Variants in COMMD1 observed in about 807,000 individuals in gnomAD.
The protein encoded by COMMD1 is COMM domain-containing protein 1.
In COMMD1, 10 loss-of-function variants were observed where a neutral mutation model predicts 17.2. The ratio of observed to expected loss-of-function variants is 0.58; its 90% CI spans 0.36 to 0.99. The LOEUF is 0.99. COMMD1 is among the 50% of genes least tolerant of loss of function. The probability of loss-of-function intolerance (pLI) is 0.01; values close to 1 mark genes in which losing one functional copy is unlikely to be tolerated. For synonymous variants in COMMD1, 97 were observed against 91.6 expected, an observed-to-expected ratio of 1.06 and a Z score of -0.34; for missense variants, 270 against 231.8, an observed-to-expected ratio of 1.17 and a Z score of -1.07.
intron 1 of COMMD1, among the ~76,000 whole-genome samples, chr2:61,930,617 T>TTGTGTGTGTGTGTG (rs59488185): frequency 3.4e-5 from 5 of 146,056 alleles, no homozygotes; most frequent in Admixed American, 6.8e-5. Context: ...CCACAGGGTT[T>TTGTGTGTGTGTGTG]TGTGTGTGTG....
In COMMD1 at chr2:62,025,591, T is replaced by G. The variant is rs181660690; in HGVS notation, c.462+24609T>G. Among the ~76,000 whole-genome samples, 4 of 152,264 alleles carry G rather than the reference T, an allele frequency of 2.6e-5. No homozygotes were observed. In the East Asian group the frequency reaches 7.7e-4, roughly 29 times the overall value. On this transcript the variant is annotated intron_variant, in intron 2 of 2. Coordinates refer to ENST00000311832, the MANE Select transcript of COMMD1 (RefSeq NM_152516.4). ...CCAAAGGCAGAAAGTAGAGAACGGA[T>G]GCTAAGTCAATAATAAAAAAATACT...
At chr2:61,965,884 A>G (rs1330835506) in intron 1 of COMMD1, among the ~76,000 whole-genome samples, 1 of 152,216 alleles carries the variant, frequency 6.6e-6, no homozygotes. Context: ...TATTACTGAT[A>G]TTGAAGTATC....
intron 1 of COMMD1, among the ~76,000 whole-genome samples, chr2:61,895,480 CT>C (rs1669532345): frequency 6.6e-6 from 1 of 152,164 alleles, no homozygotes; most frequent in African/African-American, 2.4e-5. Flanking sequence ...AGACCATCTG[CT>C]TAGGGATCTG....
chr2:61,888,586 T>C (rs886692322), upstream of COMMD1: 7 of 1,521,890 alleles, frequency 4.6e-6, no homozygotes, highest in African/African-American at 4.1e-5. Context: ...GTAATAACGG[T>C]AAGCCCTCAC....
Position 62,003,898 on chromosome 2 carries a change from C to T in COMMD1, c.462+2916C>T, listed in dbSNP as rs181678611. On this transcript the variant is annotated intron_variant, in intron 2 of 2. Transcript: ENST00000311832. ...ATCTCAGTACTTTGGGAAGCTGAGG[C>T]AGGCAGATCACTTGAGGTCAGGAGT... Among the ~76,000 whole-genome samples the T allele has an allele frequency of 2.8e-4, 43 of 152,232 alleles. 2 individuals carry two copies. In the East Asian group the frequency reaches 7.6e-3, roughly 27 times the overall value.
chr2:62,051,783 A>G lies in COMMD1; in HGVS notation c.462+50801A>G, dbSNP rs192394624. Among the ~76,000 whole-genome samples the G allele has an allele frequency of 3.9e-5, 6 of 152,348 alleles. No homozygotes were observed. The East Asian group carries it at 1.2e-3, about 29-fold the overall frequency. On this transcript the variant is annotated intron_variant, in intron 2 of 2. Coordinates refer to ENST00000311832, the MANE Select transcript of COMMD1 (RefSeq NM_152516.4). The stretch of plus-strand genomic sequence containing the variant: ...ATAGTCCAAAGGTTTTAAAAGCTGT[A>G]TGTTCAGTAAAGCATGTTAATGGTT...
intron 1 of COMMD1, among the ~76,000 whole-genome samples, chr2:61,996,213 T>G (rs1668750392): frequency 6.6e-6 from 1 of 152,086 alleles, no homozygotes; most frequent in African/African-American, 2.4e-5. Flanking sequence ...ACCTAAAAAC[T>G]TTATTGCTAA....
chr2:61,934,491 GGC>G (rs1400383954), intron 1 of COMMD1, among the ~76,000 whole-genome samples: 10 of 152,182 alleles, frequency 6.6e-5, no homozygotes, highest in Non-Finnish European at 1.5e-5. Flanking sequence ...GGGAGGCAGA[GGC>G]GAGAAGATCA....
intron 2 of COMMD1, among the ~76,000 whole-genome samples, chr2:62,031,196 G>A (rs922798124): frequency 1.3e-5 from 2 of 152,118 alleles, no homozygotes; most frequent in African/African-American, 4.8e-5. Flanking sequence ...TATTCCTTAA[G>A]TCCTCACATT....
At chr2:62,053,232 G>A (rs1271837170) in intron 2 of COMMD1, among the ~76,000 whole-genome samples, 1 of 151,956 alleles carries the variant, frequency 6.6e-6, no homozygotes, top group Non-Finnish European at 1.5e-5. Flanking sequence ...AACAGAACTT[G>A]GAACTTTAAG....
intron 2 of COMMD1, among the ~76,000 whole-genome samples, chr2:62,014,644 C>G (rs1243684713): frequency 1.4e-5 from 2 of 142,730 alleles, no homozygotes; most frequent in Non-Finnish European, 3.0e-5. Context: ...TCACTGCAAC[C>G]TCTACCTCCT....
intron 2 of COMMD1, among the ~76,000 whole-genome samples, chr2:62,042,791 G>A (rs567945561): frequency 6.6e-6 from 1 of 152,110 alleles, no homozygotes; most frequent in Non-Finnish European, 1.5e-5. Context: ...CCACACACCC[G>A]GCCTCTTTTG....
rs147565124 is a variant in COMMD1 at position 61,910,612 on chromosome 2, T to G, written c.180+4754T>G. 3.5e-3 allele frequency among the ~76,000 whole-genome samples: 529 copies of G among 152,298 alleles called. 3 individuals are homozygous for G. Among genetic ancestry groups the G allele is most frequent in the Non-Finnish European group, 4.9e-3 (334 of 68,022 alleles). ...AATTCAACTTCTTATAGGTATGAGTTTGCGTGATCTTTATTGCTATTGCTG... is the reference window on the plus strand; with the variant it reads ...AATTCAACTTCTTATAGGTATGAGTGTGCGTGATCTTTATTGCTATTGCTG... On this transcript the variant is annotated intron_variant, in intron 1 of 2. Coordinates refer to ENST00000311832, the MANE Select transcript of COMMD1 (RefSeq NM_152516.4).
intron 1 of COMMD1, among the ~76,000 whole-genome samples, chr2:61,999,598 A>G (rs1668864094): frequency 6.6e-6 from 1 of 151,954 alleles, no homozygotes; most frequent in Admixed American, 6.6e-5. Flanking sequence ...TTTTATTGTT[A>G]TTATTATTAT....
intron 1 of COMMD1, among the ~76,000 whole-genome samples, chr2:61,955,077 A>C (rs1162296452): frequency 1.3e-5 from 2 of 152,254 alleles, no homozygotes; most frequent in African/African-American, 4.8e-5. Flanking sequence ...TAAGGCTCAA[A>C]ATAATTTGGC....
At chr2:62,098,073 C>T (rs947659644) in intron 2 of COMMD1, among the ~76,000 whole-genome samples, 25 of 152,048 alleles carry the variant, frequency 1.6e-4, no homozygotes, top group African/African-American at 6.0e-4. Flanking sequence ...CTCTGGGGAC[C>T]ATGGGACCCT....
At chr2:61,898,718 A>T (rs548240985) in intron 1 of COMMD1, among the ~76,000 whole-genome samples, 1 of 152,106 alleles carries the variant, frequency 6.6e-6, no homozygotes, top group South Asian at 2.1e-4. Flanking sequence ...GGAACTTAGG[A>T]TGAAAACCTA....
chr2:62,071,897 C>T (rs1671208898), intron 2 of COMMD1, among the ~76,000 whole-genome samples: 1 of 151,992 alleles, frequency 6.6e-6, no homozygotes, highest in Admixed American at 6.6e-5. Context: ...CAAACAGACT[C>T]TTTATGGCAG....
chr2:62,100,432 C>T (rs1672145217), intron 2 of COMMD1: 1 of 152,120 alleles, frequency 6.6e-6, no homozygotes, highest in Non-Finnish European at 1.5e-5. Context: ...AACATGTGCC[C>T]AAGGTGATCA....
Sources: allele counts gnomAD v4.1 joint callset (sites outside exome capture counted in the v4.1 genomes callset), GRCh38; gene constraint gnomAD v4.1.1; transcripts MANE v1.5; gene names NCBI Gene and HGNC (gene_info 2026-07-23, HGNC 2026-07-21).